Variants in ISL1 observed in about 807,000 individuals in gnomAD.
ISL1 encodes insulin gene enhancer protein ISL-1.
ISL1 carries 4 observed loss-of-function variants against 35.3 expected under a neutral mutation model. That is an observed-to-expected ratio of 0.11 (90% confidence interval 0.06 to 0.26). The LOEUF (loss-of-function observed/expected upper bound fraction) is 0.26. Ranked by LOEUF, ISL1 falls within the 10% of genes least tolerant of loss-of-function variation. The pLI, the probability that ISL1 is intolerant of heterozygous loss-of-function variation, is 1.00. For missense variants in ISL1, 340 were observed against 472.8 expected (o/e 0.72, Z 2.60); for synonymous variants, 186 against 172.3 (o/e 1.08, Z -0.62).
In ISL1 at chr5:51,389,058, C is replaced by A. The variant is rs935115669; in HGVS notation, c.479-588C>A. On this transcript the variant is annotated intron_variant, in intron 3 of 5. Coordinates refer to ENST00000230658, the MANE Select transcript of ISL1 (RefSeq NM_002202.3). This position sits in a 1 kb window ranked among gnomAD's most constrained non-coding sequence, Gnocchi z 5.0. The stretch of plus-strand genomic sequence containing the variant: ...CCCTTCACATGACTGTCCTCTCGGA[C>A]TGAAGTTCAAGGCGTTCTGGCAGAG... Among the ~76,000 whole-genome samples the A allele has an allele frequency of 2.0e-5, 3 of 152,180 alleles. No individual in the cohort carries two copies. Among genetic ancestry groups the A allele is most frequent in the African/African-American group, 7.2e-5 (3 of 41,452 alleles).
chr5:51,390,355 T>A (rs1156971671), intron 4 of ISL1, among the ~76,000 whole-genome samples: 1 of 152,152 alleles, frequency 6.6e-6, no homozygotes, highest in South Asian at 2.1e-4. Context: ...GATTCCTGCC[T>A]ACATCCAGGG....
In ISL1 at chr5:51,389,448, T is replaced by G. The variant is rs1016334971; in HGVS notation, c.479-198T>G. Among the ~76,000 whole-genome samples, 2 of 151,422 alleles carry G rather than the reference T, an allele frequency of 1.3e-5. No homozygotes were observed. Among genetic ancestry groups the G allele is most frequent in the African/African-American group, 2.4e-5 (1 of 41,288 alleles). ...GAAGATTTTATTCTCCCTTTCACCCTCTTCGCCCCCACCTCTGCCGCCCCC... is the reference window on the plus strand; with the variant it reads ...GAAGATTTTATTCTCCCTTTCACCCGCTTCGCCCCCACCTCTGCCGCCCCC... On this transcript the variant is annotated intron_variant, in intron 3 of 5. Transcript: ENST00000230658. This position sits in a 1 kb window ranked among gnomAD's most constrained non-coding sequence, Gnocchi z 5.0.
intron 4 of ISL1, among the ~76,000 whole-genome samples, chr5:51,391,056 G>A (rs1356276067): frequency 6.6e-6 from 1 of 151,876 alleles, no homozygotes; most frequent in Non-Finnish European, 1.5e-5. Flanking sequence ...TAAGGTCCAT[G>A]CAGACCTAAT....
chr5:51,394,111 C>T lies in ISL1; in HGVS notation c.*501C>T, dbSNP rs574461767. 12 of 182,080 alleles carry T rather than the reference C, an allele frequency of 6.6e-5. No individual in the cohort carries two copies. The East Asian group carries it at 1.7e-3, about 25-fold the overall frequency. 11.3% of individuals were successfully genotyped at this position (182,080 alleles called of 1,614,324 possible). A position where few individuals can be genotyped will look rare whatever the true frequency, so the allele number is the denominator to read the frequency against. ...GAGTCCTTTCAGGAAGGTGGAGCTG[C>T]ATTGGTTTGATATGTTTAAAGTTGA... On this transcript the variant is annotated 3_prime_UTR_variant, in exon 6 of 6. Transcript: ENST00000230658.
intron 4 of ISL1, 133 bp downstream of exon 4, chr5:51,390,065 C>T (rs2111849411): frequency 9.4e-7 from 1 of 1,068,372 alleles, no homozygotes; most frequent in Non-Finnish European, 1.3e-6. Flanking sequence ...GGCTGCCCCT[C>T]ATCCTTACCC....
In ISL1 at chr5:51,394,356, A is replaced by T. The variant is rs1266882434; in HGVS notation, c.*746A>T. On this transcript the variant is annotated 3_prime_UTR_variant, in exon 6 of 6. Coordinates refer to ENST00000230658, the MANE Select transcript of ISL1 (RefSeq NM_002202.3). Reference sequence around the variant, plus strand: ...CACAAGCGTCTCGGGATTGTGTTTGACTTGTGTCTGTCCAAGAACTTTTCC... The same window carrying T: ...CACAAGCGTCTCGGGATTGTGTTTGTCTTGTGTCTGTCCAAGAACTTTTCC... The T allele has an allele frequency of 6.6e-6, 1 of 152,168 alleles. No individual in the cohort carries two copies. The highest frequency in any genetic ancestry group is 2.4e-5 in the African/African-American group (1 of 41,214). 9.4% of individuals were successfully genotyped at this position (152,168 alleles called of 1,614,324 possible).
At chr5:51,388,962 C>T (rs1212237153) in intron 3 of ISL1, among the ~76,000 whole-genome samples, 3 of 152,110 alleles carry the variant, frequency 2.0e-5, no homozygotes, top group African/African-American at 7.2e-5. Flanking sequence ...CAGGAACATC[C>T]ATGTATTACC....
At position 51,389,985 on chromosome 5, in the gene ISL1, T is replaced by C. The variant is rs1189161886; in HGVS notation, c.765+53T>C. 85 of 1,585,310 alleles carry C rather than the reference T, an allele frequency of 5.4e-5. 1 individual carries two copies. Among genetic ancestry groups the C allele is most frequent in the South Asian group, 4.8e-4 (43 of 89,636 alleles). On this transcript the variant is annotated intron_variant, in intron 4 of 5. Transcript: ENST00000230658. The surrounding 1 kb of genome is among the most constrained non-coding windows in gnomAD (Gnocchi z 5.0). ...ATGCGAGGGGGAAGGAGACGCAGCGTGCGAGGTGCGTTCCTGGTACGCAGG... is the reference window on the plus strand; with the variant it reads ...ATGCGAGGGGGAAGGAGACGCAGCGCGCGAGGTGCGTTCCTGGTACGCAGG...
chr5:51,384,438 A>G (rs1747294540), intron 1 of ISL1, 103 bp from the exon 2 acceptor site: 7 of 1,056,370 alleles, frequency 6.6e-6, no homozygotes, highest in Non-Finnish European at 9.8e-6. Context: ...AAAGAAAGAA[A>G]AAAACCTCCC....
chr5:51,391,357 A>T lies in ISL1; in HGVS notation c.849A>T (p.Glu283Asp), dbSNP rs761507339. 1.9e-5 allele frequency: 30 copies of T among 1,614,154 alleles called. No homozygotes were observed. The East Asian group carries it at 6.2e-4, about 34-fold the overall frequency. ...HDGGLQANPVEVQSYQPPWKV... is the reference protein window; with the variant it reads ...HDGGLQANPVDVQSYQPPWKV... ...GTGGCTTACAGGCTAACCCAGTGGA[A>T]GTACAAAGTTACCAGCCACCTTGGA... is the stretch of plus-strand genomic sequence containing the variant. Residue 283 changes from glutamate to aspartate, a missense_variant, in exon 5 of 6, where the codon GAA (glutamate) becomes GAT (aspartate). By Grantham distance (45) the Glu-to-Asp change is conservative. Around this residue, in one of 7 missense-constraint regions of ISL1, gnomAD observed 104 missense variants for 97.3 expected, o/e 1.07. Transcript: ENST00000230658.
intron 2 of ISL1, among the ~76,000 whole-genome samples, chr5:51,386,938 G>C (rs768533865): frequency 6.6e-6 from 1 of 152,152 alleles, no homozygotes; most frequent in Admixed American, 6.5e-5. Context: ...GTGAGTGTTT[G>C]CAAACCGAGT....
intron 2 of ISL1, chr5:51,386,076 T>C (rs1298708249): frequency 1.3e-5 from 2 of 152,402 alleles, no homozygotes; most frequent in Non-Finnish European, 1.5e-5. Context: ...AATTGTTTGG[T>C]CACCGCCAAA....
At chr5:51,383,823 G>A in intron 1 of ISL1, 124 bp downstream of exon 1, 1 of 886,184 alleles carries the variant, frequency 1.1e-6, no homozygotes, top group Non-Finnish European at 1.9e-6. Flanking sequence ...AAAGAGAAAA[G>A]GTGGCTTTTT....
At position 51,393,698 on chromosome 5, in the gene ISL1, A is replaced by C. The variant is rs1351286877; in HGVS notation, c.*88A>C. The C allele has an allele frequency of 1.4e-5, 12 of 857,966 alleles. No homozygotes were observed. The highest frequency in any genetic ancestry group is 5.0e-5 in the African/African-American group (3 of 60,454). The allele number at this position is 857,966 out of a possible 1,614,324, so 53.1% of individuals were successfully genotyped here. On this transcript the variant is annotated 3_prime_UTR_variant, in exon 6 of 6. Transcript: ENST00000230658. ...CTGAAACAAAAGTATTTAACGACCC[A>C]GTCAATGAAAACTGAATCAAGAAAT... is the stretch of plus-strand genomic sequence containing the variant.
intron 4 of ISL1, among the ~76,000 whole-genome samples, chr5:51,390,636 C>CTTTT (rs1216503548): frequency 2.7e-5 from 2 of 74,330 alleles, no homozygotes; most frequent in Non-Finnish European, 5.7e-5. Flanking sequence ...TCTTTTCTTT[C>CTTTT]TTTTTCTTTT....
At chr5:51,391,491 C>A (rs765852394) in intron 5 of ISL1, 50 bp downstream of exon 5, 1 of 1,596,418 alleles carries the variant, frequency 6.3e-7, no homozygotes, top group East Asian at 2.2e-5. Context: ...ACAGGAGACT[C>A]TGGTTTAACT....
chr5:51,384,697 A>T lies in ISL1; in HGVS notation c.185A>T (p.Asp62Val). 1 of 1,614,086 alleles carries T rather than the reference A, an allele frequency of 6.2e-7. No individual in the cohort carries two copies. The highest frequency in any genetic ancestry group is 8.5e-7 in the Non-Finnish European group (1 of 1,179,990). The change falls in exon 2 of 6, where the codon GAT (aspartate) becomes GTT (valine). Residue 62 changes from aspartate to valine, a missense_variant. Around this residue, in one of 7 missense-constraint regions of ISL1, gnomAD observed 70 missense variants for 130.3 expected, o/e 0.54. Transcript: ENST00000230658. ...GAGAGCTGTACATGCTTTGTTAGGG[A>T]TGGGAAAACCTACTGTAAAAGAGAT... ...LDESCTCFVR[D>V]GKTYCKRDYI...
Position 51,383,668 on chromosome 5 carries a change from A to G in ISL1, c.-4A>G, listed in dbSNP as rs1208005609. The G allele has an allele frequency of 1.9e-6, 3 of 1,608,086 alleles. No homozygotes were observed. The highest frequency in any genetic ancestry group is 2.6e-6 in the Non-Finnish European group (3 of 1,174,594). On this transcript the variant is annotated 5_prime_UTR_variant, in exon 1 of 6. Coordinates refer to ENST00000230658, the MANE Select transcript of ISL1 (RefSeq NM_002202.3). Reference sequence around the variant, plus strand: ...CACTGTGGACATTACTCCCTCTTACAGATATGGGAGACATGGGAGATCCAC... The same window carrying G: ...CACTGTGGACATTACTCCCTCTTACGGATATGGGAGACATGGGAGATCCAC...
intron 5 of ISL1, among the ~76,000 whole-genome samples, 191 bp downstream of exon 5, chr5:51,391,632 T>C (rs1294978761): frequency 6.6e-6 from 1 of 152,066 alleles, no homozygotes; most frequent in East Asian, 1.9e-4. Flanking sequence ...TCTTTTTTTT[T>C]TTAATGAGAC....
Sources: allele counts gnomAD v4.1 joint callset (sites outside exome capture counted in the v4.1 genomes callset), GRCh38; gene constraint gnomAD v4.1.1; regional missense constraint gnomAD v4.1.1; non-coding constraint Gnocchi (gnomAD v3.1); transcripts MANE v1.5; gene names NCBI Gene and HGNC (gene_info 2026-07-23, HGNC 2026-07-21).